Variants in ADAM12 observed in about 807,000 individuals in gnomAD.
The protein encoded by ADAM12 is disintegrin and metalloproteinase domain-containing protein 12.
ADAM12 carries 70 observed loss-of-function variants against 106.4 expected under a neutral mutation model. The ratio of observed to expected loss-of-function variants is 0.66; its 90% CI spans 0.54 to 0.80. ADAM12 has a LOEUF of 0.80. Among genes scored for constraint, ADAM12 ranks in the 30% least tolerant of loss-of-function variants. The pLI is 0.00. For missense variants in ADAM12, 1,010 were observed against 1,171.9 expected (o/e 0.86, Z 2.02); for synonymous variants, 420 against 433.5 (o/e 0.97, Z 0.39).
At chr10:126,132,550 C>A (rs1956327311) in intron 5 of ADAM12, among the ~76,000 whole-genome samples, 1 of 145,830 alleles carries the variant, frequency 6.9e-6, no homozygotes, top group African/African-American at 2.5e-5. Flanking sequence ...CTAGTCCAGT[C>A]CCAGAATCAA....
chr10:126,258,917 G>C (rs1958945454), intron 3 of ADAM12, among the ~76,000 whole-genome samples: 1 of 152,142 alleles, frequency 6.6e-6, no homozygotes, highest in African/African-American at 2.4e-5. Context: ...AGCTCCACTA[G>C]CCTGCAAGCT....
In ADAM12 at chr10:126,049,840, C is replaced by T. The variant is rs1412478909; in HGVS notation, c.1610-171G>A. ...GGGGAAGCCTAGGGTGTCAGCAGCT[C>T]GCATCCTCTCTTGACTCGGCCTCTG... On this transcript the variant is annotated intron_variant, in intron 14 of 22. Transcript: ENST00000448723. This position sits in a 1 kb window ranked among gnomAD's most constrained non-coding sequence, Gnocchi z 4.4. 2.6e-5 allele frequency among the ~76,000 whole-genome samples: 4 copies of T among 152,102 alleles called. No homozygotes were observed. The highest frequency in any genetic ancestry group is 1.3e-4 in the Admixed American group (2 of 15,264).
At chr10:126,070,853 T>A (rs1954973743) in intron 12 of ADAM12, among the ~76,000 whole-genome samples, 1 of 152,240 alleles carries the variant, frequency 6.6e-6, no homozygotes, top group Non-Finnish European at 1.5e-5. Flanking sequence ...ACTTTTATAA[T>A]TTTTATAGTG....
chr10:126,320,009 T>C (rs895860985), intron 2 of ADAM12, among the ~76,000 whole-genome samples: 2 of 152,112 alleles, frequency 1.3e-5, no homozygotes, highest in African/African-American at 4.8e-5. Flanking sequence ...CACCATGCAT[T>C]CTCAACGGGG....
chr10:126,054,611 T>G (rs1166063260), intron 14 of ADAM12, among the ~76,000 whole-genome samples: 1 of 152,226 alleles, frequency 6.6e-6, no homozygotes, highest in African/African-American at 2.4e-5. Flanking sequence ...GTAACCATGC[T>G]TCAGAGTTGG....
chr10:126,247,869 C>T (rs1489835397), intron 3 of ADAM12, among the ~76,000 whole-genome samples: 1 of 152,184 alleles, frequency 6.6e-6, no homozygotes, highest in Non-Finnish European at 1.5e-5. Flanking sequence ...GAAATAAAAA[C>T]AAAGCCTGCC....
chr10:126,227,575 C>T (rs918736871), intron 3 of ADAM12, among the ~76,000 whole-genome samples: 9 of 152,104 alleles, frequency 5.9e-5, no homozygotes, highest in African/African-American at 1.2e-4. Flanking sequence ...CCGCACCAGA[C>T]CCACCGATTC....
At chr10:126,361,356 C>T (rs1395305505) in intron 1 of ADAM12, among the ~76,000 whole-genome samples, 4 of 152,118 alleles carry the variant, frequency 2.6e-5, no homozygotes, top group Admixed American at 1.3e-4. Flanking sequence ...CATGGCCATA[C>T]TACCCAAAGC....
chr10:126,134,672 G>A (rs1009473300), intron 5 of ADAM12, among the ~76,000 whole-genome samples: 2 of 152,220 alleles, frequency 1.3e-5, no homozygotes, highest in East Asian at 1.9e-4. Flanking sequence ...ACTGGTAGGT[G>A]TGTGGTTGTT....
chr10:126,200,599 C>T (rs1015197572), intron 3 of ADAM12, among the ~76,000 whole-genome samples: 2 of 152,108 alleles, frequency 1.3e-5, no homozygotes, highest in Non-Finnish European at 2.9e-5. Flanking sequence ...GTGGAGCTGC[C>T]GTGGGGTGCC....
intron 3 of ADAM12, among the ~76,000 whole-genome samples, chr10:126,184,291 T>C (rs1957363116): frequency 6.6e-6 from 1 of 152,254 alleles, no homozygotes; most frequent in East Asian, 1.9e-4. Context: ...CAGCAACTTT[T>C]AGATAACATT....
chr10:126,184,074 T>C (rs775742068), intron 3 of ADAM12, among the ~76,000 whole-genome samples: 11 of 152,358 alleles, frequency 7.2e-5, no homozygotes, highest in Admixed American at 2.6e-4. Context: ...CTGGACCTAG[T>C]CCTACCAAAT....
chr10:126,241,310 G>T (rs528902587), intron 3 of ADAM12, among the ~76,000 whole-genome samples: 10 of 152,200 alleles, frequency 6.6e-5, no homozygotes, highest in African/African-American at 2.4e-4. Context: ...AGTGGTGACA[G>T]CTGTACAACA....
chr10:126,195,468 G>A (rs1957580100), intron 3 of ADAM12, among the ~76,000 whole-genome samples: 2 of 151,984 alleles, frequency 1.3e-5, no homozygotes, highest in Non-Finnish European at 2.9e-5. Flanking sequence ...CCAGCTACTC[G>A]GGAAGTTGAG....
At chr10:126,084,314 C>T (rs1289826111) in intron 11 of ADAM12, among the ~76,000 whole-genome samples, 1 of 152,140 alleles carries the variant, frequency 6.6e-6, no homozygotes, top group African/African-American at 2.4e-5. Flanking sequence ...ACCAAGAACC[C>T]AGGGGCGGGG....
At chr10:126,203,939 CGTGTGTGTGT>C (rs56035821) in intron 3 of ADAM12, among the ~76,000 whole-genome samples, 1 of 150,162 alleles carries the variant, frequency 6.7e-6, no homozygotes, top group African/African-American at 2.4e-5. Flanking sequence ...CGCGCGCGCG[CGTGTGTGTGT>C]GTGTGTGTGT....
intron 8 of ADAM12, among the ~76,000 whole-genome samples, chr10:126,102,296 CA>C (rs1311380173): frequency 6.6e-6 from 1 of 152,142 alleles, no homozygotes; most frequent in Non-Finnish European, 1.5e-5. Context: ...AGGCAGCACA[CA>C]GGGAGAAAGC....
chr10:126,139,325 G>A (rs1462906314), intron 4 of ADAM12, among the ~76,000 whole-genome samples: 1 of 151,994 alleles, frequency 6.6e-6, no homozygotes. Context: ...GTATTGTGTA[G>A]ATTTGTTGAT....
chr10:126,256,744 A>G (rs1958899390), intron 3 of ADAM12, among the ~76,000 whole-genome samples: 1 of 152,240 alleles, frequency 6.6e-6, no homozygotes. Flanking sequence ...GGAGGGCTTC[A>G]AAAGAATGGA....
Sources: gnomAD v4.1 joint callset for allele counts (sites outside exome capture counted in the v4.1 genomes callset) on GRCh38, gnomAD v4.1.1 for gene constraint, Gnocchi (gnomAD v3.1) non-coding constraint, MANE v1.5 for transcripts, NCBI Gene and HGNC (gene_info 2026-07-23, HGNC 2026-07-21) for gene names.